Variants in REPS1 observed in about 807,000 individuals in gnomAD.
The protein encoded by REPS1 is ralBP1-associated Eps domain-containing protein 1.
In REPS1, 39 loss-of-function variants were observed where a neutral mutation model predicts 100.9. The observed-to-expected ratio is 0.39, with a 90% confidence interval of 0.30 to 0.50. The LOEUF is 0.50. Ranked by LOEUF, REPS1 falls within the 20% of genes least tolerant of loss-of-function variation. REPS1 has a pLI of 0.86. For synonymous variants in REPS1, 324 were observed against 340.3 expected, an observed-to-expected ratio of 0.95 and a Z score of 0.53; for missense variants, 821 against 968.5, an observed-to-expected ratio of 0.85 and a Z score of 2.02.
At chr6:138,975,645 C>T (rs193136768) in intron 1 of REPS1, among the ~76,000 whole-genome samples, 1 of 152,180 alleles carries the variant, frequency 6.6e-6, no homozygotes, top group East Asian at 1.9e-4. Context: ...CCAGCCTGGC[C>T]AACATGATGA....
chr6:138,964,372 G>A (rs937891358), intron 1 of REPS1, among the ~76,000 whole-genome samples: 6 of 152,028 alleles, frequency 3.9e-5, no homozygotes, highest in African/African-American at 1.4e-4. Context: ...TGATGTTGAC[G>A]TAATGATGTC....
At chr6:138,918,400 G>C (rs1780547365) in intron 12 of REPS1, among the ~76,000 whole-genome samples, 1 of 152,086 alleles carries the variant, frequency 6.6e-6, no homozygotes, top group African/African-American at 2.4e-5. Context: ...GGTACCCATG[G>C]GGGTCCTGGA....
In REPS1 at chr6:138,914,731, G is replaced by A. The variant is rs142777222; in HGVS notation, c.1751C>T (p.Pro584Leu). The change falls in exon 15 of 20, where the codon CCT (proline) becomes CTT (leucine). Residue 584 changes from proline to leucine, a missense_variant. Pro to Leu is a moderately conservative substitution (Grantham distance 98). Transcript: ENST00000450536. Reference sequence around the variant, plus strand: ...CTGTGGTCTTGGAGGCACTGCAGGAGGATGGGCAACAACTCCAGCCTGTTG... The same window carrying A: ...CTGTGGTCTTGGAGGCACTGCAGGAAGATGGGCAACAACTCCAGCCTGTTG... ...GQQQAGVVAHPPAVPPRPQPS... is the reference protein window; with the variant it reads ...GQQQAGVVAHLPAVPPRPQPS... 16 of 1,612,452 alleles carry A rather than the reference G, an allele frequency of 9.9e-6. No homozygotes were observed. Among genetic ancestry groups the A allele is most frequent in the Non-Finnish European group, 1.4e-5 (16 of 1,179,532 alleles).
intron 17 of REPS1, among the ~76,000 whole-genome samples, chr6:138,909,504 C>T (rs1779870686): frequency 6.6e-6 from 1 of 152,150 alleles, no homozygotes; most frequent in Admixed American, 6.5e-5. Context: ...ACTCACAGGA[C>T]TACTAATGTA....
Position 138,904,331 on chromosome 6 carries a change from A to G in REPS1, c.*733T>C, listed in dbSNP as rs1779506798. The stretch of plus-strand genomic sequence containing the variant: ...TCCCTTTATTCTGGGAATAACTGAT[A>G]TCCTCAGAAGTTTTAAAACAATACT... On this transcript the variant is annotated 3_prime_UTR_variant, in exon 20 of 20. Transcript: ENST00000450536. The G allele has an allele frequency of 2.0e-5, 3 of 152,234 alleles. No homozygotes were observed. In the South Asian group the frequency reaches 6.2e-4, roughly 31 times the overall value. 9.4% of individuals were successfully genotyped at this position (152,234 alleles called of 1,614,324 possible). A position where few individuals can be genotyped will look rare whatever the true frequency, so the allele number is the denominator to read the frequency against.
At chr6:138,968,250 A>G (rs1338428827) in intron 1 of REPS1, among the ~76,000 whole-genome samples, 1 of 152,246 alleles carries the variant, frequency 6.6e-6, no homozygotes, top group East Asian at 1.9e-4. Flanking sequence ...TAAAAACTCC[A>G]TCAAGGATTT....
intron 1 of REPS1, among the ~76,000 whole-genome samples, chr6:138,960,076 T>G (rs1379026839): frequency 2.0e-5 from 3 of 152,164 alleles, no homozygotes; most frequent in African/African-American, 7.2e-5. Context: ...TGTAGTCGAG[T>G]AAGTTGAGGT....
chr6:138,981,777 C>A (rs1250074623), intron 1 of REPS1, among the ~76,000 whole-genome samples: 5 of 152,168 alleles, frequency 3.3e-5, no homozygotes, highest in Admixed American at 3.3e-4. Flanking sequence ...TTAGCTGATG[C>A]CAGAACTGGA....
chr6:138,905,145 C>A lies in REPS1; in HGVS notation c.2323-13G>T, dbSNP rs1222046566. On this transcript the variant is annotated splice_polypyrimidine_tract_variant and intron_variant, in intron 19 of 19. Coordinates refer to ENST00000450536, the MANE Select transcript of REPS1 (RefSeq NM_001286611.2). ...CCTCAAGAACATCCTGAAAAAGATGCAAAGGCCAAGTTATGTTTCAAAGTA... is the reference window on the plus strand; with the variant it reads ...CCTCAAGAACATCCTGAAAAAGATGAAAAGGCCAAGTTATGTTTCAAAGTA... The A allele has an allele frequency of 2.0e-6, 3 of 1,523,070 alleles. No individual in the cohort carries two copies. Among genetic ancestry groups the A allele is most frequent in the Non-Finnish European group, 2.7e-6 (3 of 1,097,548 alleles). 94.3% of individuals were successfully genotyped at this position (1,523,070 alleles called of 1,614,324 possible). A position where few individuals can be genotyped will look rare whatever the true frequency, so the allele number is the denominator to read the frequency against.
At chr6:138,980,602 C>G (rs976800944) in intron 1 of REPS1, among the ~76,000 whole-genome samples, 2 of 151,352 alleles carry the variant, frequency 1.3e-5, no homozygotes, top group African/African-American at 2.4e-5. Flanking sequence ...AAGTAGGTCC[C>G]CACTACCTCC....
intron 1 of REPS1, among the ~76,000 whole-genome samples, chr6:138,984,985 A>T (rs1306176714): frequency 5.3e-5 from 8 of 152,242 alleles, no homozygotes; most frequent in African/African-American, 1.9e-4. Flanking sequence ...CAGACCACTG[A>T]AAGAGTGTCA....
chr6:138,947,261 G>T (rs780632874), intron 2 of REPS1, among the ~76,000 whole-genome samples: 1 of 152,134 alleles, frequency 6.6e-6, no homozygotes, highest in Non-Finnish European at 1.5e-5. Flanking sequence ...AATGTGGTCA[G>T]ATGTCTATAA....
At chr6:138,922,086 T>A (rs1780812608) in intron 10 of REPS1, among the ~76,000 whole-genome samples, 1 of 152,152 alleles carries the variant, frequency 6.6e-6, no homozygotes, top group Non-Finnish European at 1.5e-5. Flanking sequence ...GATAAAATTA[T>A]GCAAATGTGA....
chr6:138,911,329 T>G lies in REPS1; in HGVS notation c.2014A>C (p.Lys672Gln). ...SDPASSLRVAKTDSKTEEKTA... is the reference protein window; with the variant it reads ...SDPASSLRVAQTDSKTEEKTA... Reference sequence around the variant, plus strand: ...TTTTCTTCAGTTTTACTATCTGTTTTGGCAACTCGAAGAGAACTTGCAGGA... The same window carrying G: ...TTTTCTTCAGTTTTACTATCTGTTTGGGCAACTCGAAGAGAACTTGCAGGA... Residue 672 changes from lysine to glutamine, a missense_variant, in exon 17 of 20, where the codon AAA becomes CAA. Lys to Gln is a moderately conservative substitution (Grantham distance 53, BLOSUM62 1). Around this residue, in one of 3 missense-constraint regions of REPS1, gnomAD observed 757 missense variants for 866.4 expected, o/e 0.87. Transcript: ENST00000450536. The G allele has an allele frequency of 3.7e-6, 6 of 1,613,870 alleles. No individual in the cohort carries two copies. The highest frequency in any genetic ancestry group is 5.1e-6 in the Non-Finnish European group (6 of 1,179,804).
chr6:138,979,394 C>T (rs1784806341), intron 1 of REPS1, among the ~76,000 whole-genome samples: 1 of 152,104 alleles, frequency 6.6e-6, no homozygotes, highest in South Asian at 2.1e-4. Context: ...TCATACATCT[C>T]TAGCTTCTAC....
chr6:138,963,732 T>A (rs954705835), intron 1 of REPS1, among the ~76,000 whole-genome samples: 1 of 152,168 alleles, frequency 6.6e-6, no homozygotes, highest in African/African-American at 2.4e-5. Flanking sequence ...CAAAGCCCCG[T>A]CATTCCAAAA....
chr6:138,906,004 C>A (rs1334961212), intron 19 of REPS1, among the ~76,000 whole-genome samples: 1 of 152,154 alleles, frequency 6.6e-6, no homozygotes, highest in Non-Finnish European at 1.5e-5. Context: ...ACCTTACTTC[C>A]CATTTTCTGT....
At chr6:138,978,551 C>T (rs533731168) in intron 1 of REPS1, among the ~76,000 whole-genome samples, 1 of 151,888 alleles carries the variant, frequency 6.6e-6, no homozygotes, top group Non-Finnish European at 1.5e-5. Flanking sequence ...CTCAAGTGAT[C>T]TGCCCGCCTC....
rs149705579 is a variant in REPS1, at chr6:138,954,311, G to A, written c.154-6398C>T. 2.2e-3 allele frequency among the ~76,000 whole-genome samples: 334 copies of A among 152,080 alleles called. 2 individuals carry two copies. The highest frequency in any genetic ancestry group is 6.8e-3 in the Middle Eastern group (2 of 294). ...ATATAGTTTCACATAGCTAGGGGAA[G>A]GATACTGAATGCTCCTAACACAAAG... On this transcript the variant is annotated intron_variant, in intron 1 of 19. Transcript: ENST00000450536.
Sources: gnomAD v4.1 joint callset for allele counts (sites outside exome capture counted in the v4.1 genomes callset) on GRCh38, gnomAD v4.1.1 for gene constraint, gnomAD v4.1.1 regional missense constraint, MANE v1.5 for transcripts, NCBI Gene and HGNC (gene_info 2026-07-23, HGNC 2026-07-21) for gene names.